HYCC1: variants seen among roughly 807,000 people sequenced by gnomAD.
HYCC1 encodes hyccin.
At chr7:23,009,964 T>C in the HYCC1 span, among the ~76,000 whole-genome samples, 53 of 152,100 alleles carry the variant, frequency 3.5e-4, no homozygotes, top group Non-Finnish European at 6.6e-4. Context: ...CAATAAGCAA[T>C]AGTCAAACTG....
At chr7:23,009,058 G>A in the HYCC1 span, among the ~76,000 whole-genome samples, 1 of 151,748 alleles carries the variant, frequency 6.6e-6, no homozygotes, top group East Asian at 1.9e-4. Context: ...GACAAACTAG[G>A]GAAATTATTT....
chr7:22,906,973 C>T, the HYCC1 span, among the ~76,000 whole-genome samples: 11 of 151,768 alleles, frequency 7.2e-5, no homozygotes, highest in Admixed American at 2.0e-4. Flanking sequence ...GGCATGGGGG[C>T]GGGCACTTGT....
chr7:22,960,564 T>C, the HYCC1 span: 4 of 679,414 alleles, frequency 5.9e-6, no homozygotes, highest in South Asian at 3.3e-5. Flanking sequence ...TCCTCTAAGA[T>C]AAGAATAGGA....
chr7:23,013,806 G>A, the HYCC1 span: 1 of 383,830 alleles, frequency 2.6e-6, no homozygotes, highest in South Asian at 1.8e-5. Flanking sequence ...CGCGGCCCCA[G>A]GGACAAAGTC....
At chr7:22,961,126 AC>A in the HYCC1 span, 3 of 721,890 alleles carry the variant, frequency 4.2e-6, no homozygotes, top group Admixed American at 2.0e-5. Context: ...GAGCATGAAT[AC>A]ACTGAGTATT....
the HYCC1 span, among the ~76,000 whole-genome samples, chr7:22,925,769 T>G: frequency 1.3e-5 from 2 of 152,172 alleles, no homozygotes; most frequent in Non-Finnish European, 2.9e-5. Context: ...CAGGATATTA[T>G]CCAGGAGAAC....
the HYCC1 span, among the ~76,000 whole-genome samples, chr7:22,971,574 G>A: frequency 2.0e-5 from 3 of 151,192 alleles, no homozygotes; most frequent in African/African-American, 4.9e-5. Flanking sequence ...TACTCAGGAC[G>A]CTGAGGCACA....
the HYCC1 span, among the ~76,000 whole-genome samples, chr7:22,966,962 A>T: frequency 6.6e-6 from 1 of 152,186 alleles, no homozygotes; most frequent in African/African-American, 2.4e-5. Flanking sequence ...GACTCCTGTT[A>T]CTCTTATTAA....
At chr7:22,917,045 C>T in the HYCC1 span, among the ~76,000 whole-genome samples, 2 of 152,208 alleles carry the variant, frequency 1.3e-5, no homozygotes, top group Non-Finnish European at 1.5e-5. Flanking sequence ...GAGTCATTCA[C>T]TGCTAGGGCC....
chr7:22,940,022 T>A, the HYCC1 span: 4 of 152,198 alleles, frequency 2.6e-5, no homozygotes, highest in Admixed American at 2.6e-4. Context: ...GTCAGCTATG[T>A]GGACTACTGG....
the HYCC1 span, chr7:22,964,430 CCT>C: frequency 1.3e-6 from 2 of 1,582,956 alleles, no homozygotes; most frequent in African/African-American, 2.7e-5. Flanking sequence ...AAAATAAATC[CCT>C]GTTAACATTT....
chr7:22,971,920 T>C, the HYCC1 span, among the ~76,000 whole-genome samples: 3 of 152,120 alleles, frequency 2.0e-5, no homozygotes, highest in Admixed American at 1.3e-4. Context: ...ATTATTTCAG[T>C]TGGGTTGTGA....
chr7:22,896,159 C>T, the HYCC1 span, among the ~76,000 whole-genome samples: 1 of 152,108 alleles, frequency 6.6e-6, no homozygotes, highest in African/African-American at 2.4e-5. Context: ...TGTATAATTA[C>T]TTAAAAAAAT....
At chr7:22,922,617 A>G in the HYCC1 span, among the ~76,000 whole-genome samples, 1 of 152,250 alleles carries the variant, frequency 6.6e-6, no homozygotes, top group African/African-American at 2.4e-5. Flanking sequence ...TTAAAAAGTC[A>G]TAAGTTGAAC....
At chr7:22,931,985 C>G in the HYCC1 span, among the ~76,000 whole-genome samples, 3 of 152,104 alleles carry the variant, frequency 2.0e-5, no homozygotes, top group Non-Finnish European at 4.4e-5. Context: ...TGAAAGGAAC[C>G]AGCATTTGCT....
the HYCC1 span, chr7:22,977,455 T>C: frequency 3.4e-6 from 4 of 1,190,294 alleles, no homozygotes; most frequent in South Asian, 1.3e-5. Flanking sequence ...TTAAAATACA[T>C]ACTTTCTTAC....
At chr7:23,010,212 T>C in the HYCC1 span, among the ~76,000 whole-genome samples, 1 of 152,186 alleles carries the variant, frequency 6.6e-6, no homozygotes, top group Admixed American at 6.5e-5. Context: ...CTTAGAGATG[T>C]TGCTTCCAGG....
chr7:22,904,594 C>T, the HYCC1 span, among the ~76,000 whole-genome samples: 1 of 151,428 alleles, frequency 6.6e-6, no homozygotes, highest in Non-Finnish European at 1.5e-5. Flanking sequence ...TACAAGTCAC[C>T]ATCTGTGTTA....
the HYCC1 span, chr7:22,940,020 T>A: frequency 1.2e-4 from 18 of 152,176 alleles, no homozygotes; most frequent in African/African-American, 4.3e-4. Flanking sequence ...GAGTCAGCTA[T>A]GTGGACTACT....
Sources: allele counts gnomAD v4.1 joint callset (sites outside exome capture counted in the v4.1 genomes callset), GRCh38; gene constraint gnomAD v4.1.1; transcripts MANE v1.5; gene names NCBI Gene and HGNC (gene_info 2026-07-23, HGNC 2026-07-21).